The following FGF23 variants were observed in gnomAD, a reference collection of about 807,000 sequenced individuals.
FGF23 encodes the protein fibroblast growth factor 23.
FGF23 carries 8 observed loss-of-function variants against 9.0 expected under a neutral mutation model. The observed-to-expected ratio is 0.89, with a 90% CI of 0.52 to 1.60. FGF23 has a LOEUF of 1.60. Ranked by LOEUF, FGF23 falls within the 40% of genes most tolerant of loss-of-function variation. The pLI, the probability that FGF23 is intolerant of heterozygous loss-of-function variation, is 0.00. For synonymous variants in FGF23, 118 were observed against 146.2 expected, an observed-to-expected ratio of 0.81 and a Z score of 1.39; for missense variants, 311 against 344.3, an observed-to-expected ratio of 0.90 and a Z score of 0.77.
rs11397562 is a variant in FGF23, at chr12:4,377,422, C to CTTTTTTTT, written c.211+1942_211+1949dup. ...TTCTGCATTTTAAATCACATATAGT[C>CTTTTTTTT]TTTTTTTTTTTTTTTTTTTTTTTTT... On this transcript the variant is annotated intron_variant, in intron 1 of 2. Transcript: ENST00000237837. 4.3e-5 allele frequency among the ~76,000 whole-genome samples: 3 copies of CTTTTTTTT among 69,530 alleles called. 1 individual carries two copies. The highest frequency in any genetic ancestry group is 7.6e-5 in the Non-Finnish European group (3 of 39,694). The allele number at this position is 69,530 out of a possible 152,430, so 45.6% of individuals were successfully genotyped here.
At position 4,376,808 on chromosome 12, in the gene FGF23, C is replaced by T. The variant is rs114566894; in HGVS notation, c.211+2564G>A. 5.3e-3 allele frequency among the ~76,000 whole-genome samples: 801 copies of T among 152,212 alleles called. 9 individuals carry two copies. Among genetic ancestry groups the T allele is most frequent in the African/African-American group, 0.018 (728 of 41,534 alleles). On this transcript the variant is annotated intron_variant, in intron 1 of 2. Transcript: ENST00000237837. ...TGCTGAGATTATACGCGTGAGCCACCGCATCTGGCCTCTTTTGGGTAACTT... is the reference window on the plus strand; with the variant it reads ...TGCTGAGATTATACGCGTGAGCCACTGCATCTGGCCTCTTTTGGGTAACTT...
At position 4,369,585 on chromosome 12, in the gene FGF23, G is replaced by A. The variant is rs1865037760; in HGVS notation, c.*758C>T. 1 of 230,030 alleles carries A rather than the reference G, an allele frequency of 4.3e-6. No homozygotes were observed. The highest frequency in any genetic ancestry group is 8.6e-6 in the Non-Finnish European group (1 of 116,064). The allele number at this position is 230,030 out of a possible 1,614,324, so 14.2% of individuals were successfully genotyped here. On this transcript the variant is annotated 3_prime_UTR_variant, in exon 3 of 3. Coordinates refer to ENST00000237837, the MANE Select transcript of FGF23 (RefSeq NM_020638.3). ...CTGTATCATGAACTGCTTGGGAACA[G>A]AGTGGGGCCATTCTGGGCCCTCTGG...
chr12:4,377,714 G>C (rs1565457984), intron 1 of FGF23, among the ~76,000 whole-genome samples: 2 of 64,618 alleles, frequency 3.1e-5, no homozygotes, highest in Non-Finnish European at 5.5e-5. Context: ...ACAGGCGTGA[G>C]CCACCACACC....
chr12:4,375,513 G>A (rs1328821290), intron 1 of FGF23, among the ~76,000 whole-genome samples: 1 of 152,222 alleles, frequency 6.6e-6, no homozygotes, highest in African/African-American at 2.4e-5. Context: ...AGTCTGCACA[G>A]ATTCAAGGGA....
Position 4,379,548 on chromosome 12 carries a change from G to A in FGF23, c.35C>T (p.Ala12Val). 10 of 1,611,074 alleles carry A rather than the reference G, an allele frequency of 6.2e-6. No homozygotes were observed. The highest frequency in any genetic ancestry group is 7.6e-6 in the Non-Finnish European group (9 of 1,179,762). The part of the protein sequence containing the change: ...LGARLRLWVC[A>V]LCSVCSMSVL... ...GCTCATGCTGCAGACGCTGCACAAG[G>A]CACAGACCCAGAGCCTGAGGCGGGC... The change falls in exon 1 of 3, where the codon GCC becomes GTC. Residue 12 changes from alanine (A) to valine (V), a missense_variant. By Grantham distance (64) the Ala-to-Val change is moderately conservative. Coordinates refer to ENST00000237837, the MANE Select transcript of FGF23 (RefSeq NM_020638.3).
chr12:4,378,424 A>T (rs1865142281), intron 1 of FGF23, among the ~76,000 whole-genome samples: 2 of 152,184 alleles, frequency 1.3e-5, no homozygotes, highest in South Asian at 4.1e-4. Context: ...GTTTTCTTAA[A>T]ATAGAAGATC....
chr12:4,373,000 C>A (rs780871598), intron 1 of FGF23, among the ~76,000 whole-genome samples: 1 of 152,104 alleles, frequency 6.6e-6, no homozygotes. Flanking sequence ...CTACCTGGAC[C>A]GTCTTTATTT....
chr12:4,371,158 A>C (rs1865060681), intron 2 of FGF23, among the ~76,000 whole-genome samples: 1 of 152,054 alleles, frequency 6.6e-6, no homozygotes, highest in African/African-American at 2.4e-5. Context: ...AGGAGAGGGG[A>C]TGGAGTTTAT....
rs2120725630 is a variant in FGF23, at chr12:4,368,622, A to C, written c.*1721T>G. 5.0e-6 allele frequency: 1 copy of C among 201,314 alleles called. No individual in the cohort carries two copies. The highest frequency in any genetic ancestry group is 6.0e-5 in the Admixed American group (1 of 16,696). The allele number at this position is 201,314 out of a possible 1,614,324, so 12.5% of individuals were successfully genotyped here. On this transcript the variant is annotated 3_prime_UTR_variant, in exon 3 of 3. Transcript: ENST00000237837. ...GTAGGAGCTATTTTGGCTTTGCCAT[A>C]AAGAAAACCCCTGATGGTAGTGTTG...
Position 4,379,418 on chromosome 12 carries a change from G to T in FGF23, c.165C>A (p.Ile55=), listed in dbSNP as rs762106285. Residue 55 remains isoleucine, a synonymous_variant, in exon 1 of 3, where the codon ATC becomes ATA. Coordinates refer to ENST00000237837, the MANE Select transcript of FGF23 (RefSeq NM_020638.3). ...CGCCATCCACATGGCCATTCTTGTG[G>T]ATCTGCAGGTGGTAGCTGTTCCTGG... The part of the protein sequence containing the change: ...ATARNSYHLQ[I]HKNGHVDGAP... The T allele has an allele frequency of 5.0e-6, 8 of 1,613,380 alleles. No individual in the cohort carries two copies. In the South Asian group the frequency reaches 7.7e-5, roughly 15 times the overall value.
At chr12:4,371,878 G>A (rs13312789) in intron 2 of FGF23, among the ~76,000 whole-genome samples, 16,838 of 151,992 alleles carry the variant, frequency 0.11, 1,042 homozygotes, top group East Asian at 0.21. Flanking sequence ...GAGGACCTAC[G>A]ACTACATACC....
intron 1 of FGF23, among the ~76,000 whole-genome samples, chr12:4,375,050 G>C (rs1162901013): frequency 1.3e-5 from 2 of 152,192 alleles, no homozygotes; most frequent in African/African-American, 4.8e-5. Context: ...CCAAGAACCA[G>C]GGGACTTGGA....
intron 1 of FGF23, among the ~76,000 whole-genome samples, chr12:4,375,318 C>T (rs567677901): frequency 4.2e-4 from 64 of 152,294 alleles, no homozygotes; most frequent in African/African-American, 1.5e-3. Flanking sequence ...GTATGGCACA[C>T]ACGCTCCTGG....
At position 4,370,899 on chromosome 12, in the gene FGF23, G is replaced by T. The variant is rs1252062511; in HGVS notation, c.316-116C>A. On this transcript the variant is annotated intron_variant, in intron 2 of 2. Coordinates refer to ENST00000237837, the MANE Select transcript of FGF23 (RefSeq NM_020638.3). ...CGGCCTGAAGCTCTGCAGTTCTTAG[G>T]GCGTTGAGCCTTCACCCCTTTGTTC... The T allele has an allele frequency of 3.4e-6, 3 of 871,590 alleles. No homozygotes were observed. The African/African-American group carries it at 4.9e-5, about 14-fold the overall frequency. The allele number at this position is 871,590 out of a possible 1,614,324, so 54.0% of individuals were successfully genotyped here.
At chr12:4,373,660 G>A (rs1484022429) in intron 1 of FGF23, among the ~76,000 whole-genome samples, 2 of 152,152 alleles carry the variant, frequency 1.3e-5, no homozygotes, top group East Asian at 3.8e-4. Flanking sequence ...AATTGATAAT[G>A]GCTTTAAATT....
intron 1 of FGF23, among the ~76,000 whole-genome samples, chr12:4,376,680 C>T (rs1355640082): frequency 6.6e-6 from 1 of 152,074 alleles, no homozygotes; most frequent in East Asian, 1.9e-4. Flanking sequence ...CACCACACCC[C>T]ACTAATTTTT....
intron 1 of FGF23, among the ~76,000 whole-genome samples, chr12:4,375,414 A>G (rs1018405511): frequency 6.6e-6 from 1 of 152,218 alleles, no homozygotes; most frequent in Non-Finnish European, 1.5e-5. Context: ...AGACTCTTCC[A>G]TCAAACAGTG....
At chr12:4,375,726 C>A (rs543203495) in intron 1 of FGF23, among the ~76,000 whole-genome samples, 82 of 152,282 alleles carry the variant, frequency 5.4e-4, no homozygotes, top group Non-Finnish European at 9.7e-4. Flanking sequence ...TATTTAAGTT[C>A]TTTAACTCTT....
chr12:4,375,293 C>T (rs7976548), intron 1 of FGF23, among the ~76,000 whole-genome samples: 17,809 of 152,116 alleles, frequency 0.12, 1,147 homozygotes, highest in East Asian at 0.22. Flanking sequence ...TGCTTGGGGT[C>T]AGTGTGGGCA....
Sources: gnomAD v4.1 joint callset for allele counts (sites outside exome capture counted in the v4.1 genomes callset) on GRCh38, gnomAD v4.1.1 for gene constraint, MANE v1.5 for transcripts, NCBI Gene and HGNC (gene_info 2026-07-23, HGNC 2026-07-21) for gene names.